The following CACNA2D3 variants were observed in gnomAD, a reference collection of about 807,000 sequenced individuals.
CACNA2D3 encodes the protein voltage-dependent calcium channel subunit alpha-2/delta-3.
Under a neutral mutation model 160.6 loss-of-function variants are expected in CACNA2D3, and 60 were observed. The observed-to-expected ratio is 0.37, with a 90% CI of 0.30 to 0.46. The LOEUF is 0.46. Among genes scored for constraint, CACNA2D3 ranks in the 20% least tolerant of loss-of-function variants. The pLI, the probability that CACNA2D3 is intolerant of heterozygous loss-of-function variation, is 1.00. For missense variants in CACNA2D3, 1,205 were observed against 1,365.0 expected (o/e 0.88, Z 1.85); for synonymous variants, 558 against 492.9 (o/e 1.13, Z -1.75).
intron 4 of CACNA2D3, among the ~76,000 whole-genome samples, chr3:54,444,056 A>G (rs948330274): frequency 2.0e-5 from 3 of 152,138 alleles, no homozygotes; most frequent in Non-Finnish European, 4.4e-5. Flanking sequence ...GACCCGGGCC[A>G]CATTTTGTTT....
intron 2 of CACNA2D3, among the ~76,000 whole-genome samples, chr3:54,142,959 G>C (rs1368860301): frequency 6.6e-6 from 1 of 152,168 alleles, no homozygotes; most frequent in Admixed American, 6.5e-5. Flanking sequence ...CCCTCTCCCT[G>C]AGTGTGTACA....
intron 2 of CACNA2D3, among the ~76,000 whole-genome samples, chr3:54,186,590 C>T (rs1229387182): frequency 6.6e-6 from 1 of 152,040 alleles, no homozygotes; most frequent in Non-Finnish European, 1.5e-5. Flanking sequence ...CAGGCCTTTA[C>T]AATATTTTTT....
intron 13 of CACNA2D3, among the ~76,000 whole-genome samples, chr3:54,776,138 G>A (rs1559578204): frequency 6.6e-6 from 1 of 152,190 alleles, no homozygotes; most frequent in Non-Finnish European, 1.5e-5. Flanking sequence ...GAGGTCAGAT[G>A]TCCATCATTT....
intron 35 of CACNA2D3, among the ~76,000 whole-genome samples, chr3:55,049,746 T>G (rs979032898): frequency 2.2e-4 from 33 of 149,418 alleles, no homozygotes; most frequent in Admixed American, 7.9e-4. Context: ...CTAAGTCTCT[T>G]TGTAGGTCAC....
chr3:54,174,804 C>T (rs917728700), intron 2 of CACNA2D3, among the ~76,000 whole-genome samples: 19 of 152,286 alleles, frequency 1.2e-4, no homozygotes, highest in South Asian at 6.2e-4. Context: ...GGATTACAGG[C>T]GTGAGCCACT....
chr3:54,325,128 C>T (rs1000119327), intron 3 of CACNA2D3, among the ~76,000 whole-genome samples: 1 of 152,162 alleles, frequency 6.6e-6, no homozygotes, highest in Admixed American at 6.5e-5. Flanking sequence ...TATCAATCAA[C>T]TGCAAGCATT....
chr3:54,829,079 T>A (rs1472759456), intron 14 of CACNA2D3, among the ~76,000 whole-genome samples: 2 of 152,150 alleles, frequency 1.3e-5, no homozygotes, highest in African/African-American at 4.8e-5. Flanking sequence ...CTAAAGAATA[T>A]AAGAGCAGAG....
At chr3:54,794,121 A>G (rs1356973267) in intron 13 of CACNA2D3, among the ~76,000 whole-genome samples, 1 of 152,160 alleles carries the variant, frequency 6.6e-6, no homozygotes, top group Non-Finnish European at 1.5e-5. Context: ...TCACACATAT[A>G]TACATGCATG....
chr3:54,428,814 T>C (rs1030251965), intron 4 of CACNA2D3, among the ~76,000 whole-genome samples: 1 of 152,254 alleles, frequency 6.6e-6, no homozygotes, highest in African/African-American at 2.4e-5. Flanking sequence ...ATTGGGTTAG[T>C]CTGTATTAAC....
At chr3:55,036,340 G>A (rs1175417508) in intron 35 of CACNA2D3, among the ~76,000 whole-genome samples, 3 of 152,060 alleles carry the variant, frequency 2.0e-5, no homozygotes, top group Non-Finnish European at 4.4e-5. Flanking sequence ...CCAGCTACTC[G>A]GGAGGCTGAG....
At chr3:54,715,719 A>G (rs1288832617) in intron 11 of CACNA2D3, among the ~76,000 whole-genome samples, 4 of 152,168 alleles carry the variant, frequency 2.6e-5, no homozygotes, top group Admixed American at 1.3e-4. Flanking sequence ...AAGACCAAAT[A>G]TATATTTCAC....
At chr3:54,834,716 A>G (rs758295544) in intron 14 of CACNA2D3, among the ~76,000 whole-genome samples, 2 of 152,212 alleles carry the variant, frequency 1.3e-5, no homozygotes, top group Non-Finnish European at 1.5e-5. Flanking sequence ...GAGATAGCCT[A>G]TAGAGCTAGA....
At chr3:54,629,883 T>C (rs1348576635) in intron 10 of CACNA2D3, among the ~76,000 whole-genome samples, 1 of 152,212 alleles carries the variant, frequency 6.6e-6, no homozygotes, top group Non-Finnish European at 1.5e-5. Context: ...AATTTCTCTT[T>C]CCCTGTTCTC....
At chr3:54,860,808 A>G (rs72874301) in intron 17 of CACNA2D3, among the ~76,000 whole-genome samples, 3,512 of 152,290 alleles carry the variant, frequency 0.023, 131 homozygotes, top group African/African-American at 0.079. Context: ...CATCCAAGCT[A>G]CTTAACCTTC....
intron 5 of CACNA2D3, among the ~76,000 whole-genome samples, chr3:54,529,234 T>C (rs1701769974): frequency 6.6e-6 from 1 of 152,190 alleles, no homozygotes; most frequent in South Asian, 2.1e-4. Flanking sequence ...CGTGGGCTCA[T>C]GTAGTATGCA....
intron 2 of CACNA2D3, among the ~76,000 whole-genome samples, chr3:54,319,798 T>C (rs1442766230): frequency 6.6e-6 from 1 of 152,132 alleles, no homozygotes; most frequent in African/African-American, 2.4e-5. Flanking sequence ...CATGTTAACA[T>C]ATATATTATA....
intron 4 of CACNA2D3, among the ~76,000 whole-genome samples, chr3:54,492,569 A>G (rs1463518236): frequency 2.6e-5 from 4 of 152,208 alleles, no homozygotes; most frequent in Non-Finnish European, 4.4e-5. Context: ...AGGTCTTGTG[A>G]GAGGCCTGTG....
At chr3:54,565,436 A>G (rs1432150436) in intron 6 of CACNA2D3, among the ~76,000 whole-genome samples, 1 of 152,122 alleles carries the variant, frequency 6.6e-6, no homozygotes, top group African/African-American at 2.4e-5. Context: ...GATGATGTCC[A>G]TTTCTGCATG....
chr3:54,704,178 G>C (rs1016941684), intron 11 of CACNA2D3, among the ~76,000 whole-genome samples: 1 of 152,302 alleles, frequency 6.6e-6, no homozygotes, highest in African/African-American at 2.4e-5. Flanking sequence ...TGCAGGAGGG[G>C]AAAAATTACT....
Sources: gnomAD v4.1 joint callset for allele counts (sites outside exome capture counted in the v4.1 genomes callset) on GRCh38, gnomAD v4.1.1 for gene constraint, MANE v1.5 for transcripts, NCBI Gene and HGNC (gene_info 2026-07-23, HGNC 2026-07-21) for gene names.